The following KIAA0319L variants were observed in gnomAD, a reference collection of about 807,000 sequenced individuals.
The protein encoded by KIAA0319L is dyslexia-associated protein KIAA0319-like protein.
A neutral mutation model predicts 120.1 loss-of-function variants in KIAA0319L; 55 were observed. That is an observed-to-expected ratio of 0.46 (90% CI 0.37 to 0.57). The LOEUF (loss-of-function observed/expected upper bound fraction) is 0.57. Ranked by LOEUF, KIAA0319L falls within the 20% of genes least tolerant of loss-of-function variation. The pLI is 0.00. For synonymous variants in KIAA0319L, 398 were observed against 471.9 expected, an observed-to-expected ratio of 0.84 and a Z score of 2.03; for missense variants, 1,049 against 1,255.3, an observed-to-expected ratio of 0.84 and a Z score of 2.48.
chr1:35,439,823 T>C (rs1390337252), intron 20 of KIAA0319L: 1 of 152,090 alleles, frequency 6.6e-6, no homozygotes, highest in East Asian at 1.9e-4. Flanking sequence ...AAGAGATTAC[T>C]GGATGAACCA....
chr1:35,537,460 T>C (rs957135133), intron 2 of KIAA0319L, among the ~76,000 whole-genome samples: 1 of 149,550 alleles, frequency 6.7e-6, no homozygotes, highest in African/African-American at 2.5e-5. Context: ...AGCAGAAATA[T>C]GTAAATTAAA....
chr1:35,452,363 G>C (rs1642126353), intron 12 of KIAA0319L, among the ~76,000 whole-genome samples: 1 of 152,160 alleles, frequency 6.6e-6, no homozygotes, highest in African/African-American at 2.4e-5. Flanking sequence ...CCCCCTTGTG[G>C]CCTCAGAGAC....
chr1:35,436,175 T>G (rs1029092991), intron 20 of KIAA0319L, among the ~76,000 whole-genome samples: 17 of 152,200 alleles, frequency 1.1e-4, no homozygotes, highest in South Asian at 2.1e-4. Context: ...TCCCAGCCAT[T>G]CAGCCCTTCC....
At position 35,434,891 on chromosome 1, in the gene KIAA0319L, TG is replaced by T. The variant is rs779012868; in HGVS notation, c.*2del. ...CCCTGCCCTGAGGAGACAGACCAGG[TG>T]GCTACAGGATCTCCTCCCGCGGGCT... On this transcript the variant is annotated 3_prime_UTR_variant, in exon 21 of 21. Transcript: ENST00000325722. 9 of 1,611,484 alleles carry T rather than the reference TG, an allele frequency of 5.6e-6. No homozygotes were observed. The highest frequency in any genetic ancestry group is 7.6e-6 in the Non-Finnish European group (9 of 1,179,528).
At chr1:35,495,680 TCTCA>T (rs2148367020) in intron 3 of KIAA0319L, among the ~76,000 whole-genome samples, 1 of 152,016 alleles carries the variant, frequency 6.6e-6, no homozygotes, top group East Asian at 1.9e-4. Context: ...TAAGATAGGG[TCTCA>T]CTCTGTCACC....
At chr1:35,445,875 T>C (rs1451112085) in intron 16 of KIAA0319L, among the ~76,000 whole-genome samples, 2 of 152,194 alleles carry the variant, frequency 1.3e-5, no homozygotes, top group Non-Finnish European at 2.9e-5. Flanking sequence ...ATGCCCCCTA[T>C]GCAGTGCTGG....
At chr1:35,484,260 T>G (rs1644280490) in intron 3 of KIAA0319L, among the ~76,000 whole-genome samples, 1 of 152,162 alleles carries the variant, frequency 6.6e-6, no homozygotes, top group Non-Finnish European at 1.5e-5. Context: ...AAGTGTTTCA[T>G]GTCTTTGGGT....
intron 5 of KIAA0319L, among the ~76,000 whole-genome samples, chr1:35,471,218 A>G (rs978276073): frequency 1.3e-5 from 2 of 152,194 alleles, no homozygotes; most frequent in Non-Finnish European, 2.9e-5. Context: ...TCTCAGGGCC[A>G]ATCCTCCCTA....
intron 9 of KIAA0319L, among the ~76,000 whole-genome samples, chr1:35,456,911 GGAAT>G (rs1443536102): frequency 3.8e-4 from 45 of 117,494 alleles, no homozygotes; most frequent in South Asian, 5.5e-4. Context: ...AAAGAAGGAA[GGAAT>G]GAAGGAAGGA....
Position 35,460,307 on chromosome 1 carries a change from G to C in KIAA0319L, c.1425C>G (p.Phe475Leu), listed in dbSNP as rs1346262954. 6.2e-7 allele frequency: 1 copy of C among 1,609,596 alleles called. No individual in the cohort carries two copies. Among genetic ancestry groups the C allele is most frequent in the Non-Finnish European group, 8.5e-7 (1 of 1,178,634 alleles). ...LSKLVPGNYT[F>L]SLTVVDSDGA... Reference sequence around the variant, plus strand: ...CTTGAAGCTGAATCCTAATTTACCTGAAAGTGTAGTTCCCAGGGACGAGTT... The same window carrying C: ...CTTGAAGCTGAATCCTAATTTACCTCAAAGTGTAGTTCCCAGGGACGAGTT... Residue 475 changes from phenylalanine to leucine, a missense_variant and splice_region_variant, in exon 9 of 21, where the codon TTC (phenylalanine) becomes TTG (leucine). Physicochemically the swap from Phe to Leu is conservative, Grantham distance 22. Coordinates refer to ENST00000325722, the MANE Select transcript of KIAA0319L (RefSeq NM_024874.5).
chr1:35,434,800 A>C lies in KIAA0319L; in HGVS notation c.*94T>G, dbSNP rs1357220765. ...GGACTGTCAGGGCGAAATGACCAGC[A>C]GATGCTGGGACAGCAGCTGCCCGCA... On this transcript the variant is annotated 3_prime_UTR_variant, in exon 21 of 21. Transcript: ENST00000325722. 3.2e-5 allele frequency: 36 copies of C among 1,114,248 alleles called. No individual in the cohort carries two copies. The Admixed American group carries it at 8.4e-4, about 26-fold the overall frequency. The allele number at this position is 1,114,248 out of a possible 1,614,324, so 69.0% of individuals were successfully genotyped here. A position where few individuals can be genotyped will look rare whatever the true frequency, so the allele number is the denominator to read the frequency against.
intron 3 of KIAA0319L, among the ~76,000 whole-genome samples, chr1:35,489,670 G>A (rs983805177): frequency 7.0e-6 from 1 of 142,586 alleles, no homozygotes; most frequent in Non-Finnish European, 1.5e-5. Flanking sequence ...GTTTCTTTGG[G>A]TTTTTTTTTT....
intron 2 of KIAA0319L, among the ~76,000 whole-genome samples, chr1:35,512,871 C>CAAAA (rs746942793): frequency 2.4e-3 from 111 of 46,818 alleles, no homozygotes; most frequent in Non-Finnish European, 3.7e-3. Context: ...GACTCCATCT[C>CAAAA]AAAAAAAAAA....
At chr1:35,555,976 T>G (rs1647949155) in intron 1 of KIAA0319L, among the ~76,000 whole-genome samples, 1 of 152,258 alleles carries the variant, frequency 6.6e-6, no homozygotes. Flanking sequence ...CAGTCATTCC[T>G]CTGAAACCTA....
At chr1:35,444,366 A>AAGGTTACTAACAGTAACTAAGG in intron 16 of KIAA0319L, 63 bp from the exon 17 acceptor site, 1 of 1,452,258 alleles carries the variant, frequency 6.9e-7, no homozygotes, top group Middle Eastern at 1.8e-4. Context: ...AACAGCTAAC[A>AAGGTTACTAACAGTAACTAAGG]TTTACTAAGT....
At chr1:35,535,444 GC>G (rs1646538818) in intron 2 of KIAA0319L, among the ~76,000 whole-genome samples, 1 of 152,060 alleles carries the variant, frequency 6.6e-6, no homozygotes, top group Non-Finnish European at 1.5e-5. Context: ...TGTGGTTAAA[GC>G]TTTAGTTCCT....
At chr1:35,474,407 C>A (rs1643824585) in intron 5 of KIAA0319L, among the ~76,000 whole-genome samples, 1 of 152,142 alleles carries the variant, frequency 6.6e-6, no homozygotes, top group Non-Finnish European at 1.5e-5. Flanking sequence ...CAGTTTAGTG[C>A]CTAGCATATA....
chr1:35,494,185 A>T (rs1218498894), intron 3 of KIAA0319L, among the ~76,000 whole-genome samples: 1 of 152,066 alleles, frequency 6.6e-6, no homozygotes, highest in Non-Finnish European at 1.5e-5. Context: ...TCAATGGCTC[A>T]CACCGGTAAT....
intron 4 of KIAA0319L, among the ~76,000 whole-genome samples, chr1:35,478,024 T>A (rs1026277093): frequency 4.6e-5 from 7 of 151,942 alleles, no homozygotes; most frequent in Non-Finnish European, 8.8e-5. Flanking sequence ...GATGAATGAA[T>A]AAAGAAAATG....
Sources: gnomAD v4.1 joint callset for allele counts (sites outside exome capture counted in the v4.1 genomes callset) on GRCh38, gnomAD v4.1.1 for gene constraint, MANE v1.5 for transcripts, NCBI Gene and HGNC (gene_info 2026-07-23, HGNC 2026-07-21) for gene names.